The following MICAL3 variants were observed in gnomAD, a reference collection of about 807,000 sequenced individuals.
MICAL3 encodes microtubule associated monooxygenase, calponin and LIM domain containing 3.
In MICAL3, 62 loss-of-function variants were observed where a neutral mutation model predicts 207.4. The observed-to-expected ratio is 0.30, with a 90% CI of 0.24 to 0.37. MICAL3 has a LOEUF of 0.37. Ranked by LOEUF, MICAL3 falls within the 10% of genes least tolerant of loss-of-function variation. MICAL3 has a pLI of 1.00. For synonymous variants in MICAL3, 1,077 were observed against 1,069.3 expected (o/e 1.01, Z -0.14); for missense variants, 2,368 against 2,635.6 (o/e 0.90, Z 2.22).
At chr22:17,993,050 C>A (rs568472907) in intron 1 of MICAL3, among the ~76,000 whole-genome samples, 4 of 152,276 alleles carry the variant, frequency 2.6e-5, no homozygotes, top group African/African-American at 9.6e-5. Flanking sequence ...GTTTTTCCTA[C>A]CCATGCAAGG....
chr22:17,888,855 C>T (rs749223589), intron 13 of MICAL3, among the ~76,000 whole-genome samples, 179 bp downstream of exon 13: 9 of 152,190 alleles, frequency 5.9e-5, no homozygotes, highest in Non-Finnish European at 1.0e-4. Context: ...GAACACACTA[C>T]TAGAGAAGGG....
At chr22:17,864,622 T>A in intron 19 of MICAL3, 1 of 1,558,406 alleles carries the variant, frequency 6.4e-7, no homozygotes, top group East Asian at 2.3e-5. Flanking sequence ...GGGACAGCAC[T>A]TCACGGCTCT....
At chr22:17,828,407 G>T (rs1334010676) in intron 21 of MICAL3, among the ~76,000 whole-genome samples, 1 of 152,250 alleles carries the variant, frequency 6.6e-6, no homozygotes, top group Non-Finnish European at 1.5e-5. Flanking sequence ...CTGCTGGAGA[G>T]AAAAAGTCCC....
chr22:17,792,570 C>A (rs1359826724), intron 29 of MICAL3, among the ~76,000 whole-genome samples: 2 of 152,236 alleles, frequency 1.3e-5, no homozygotes, highest in Non-Finnish European at 2.9e-5. Context: ...CCTTTCTCCA[C>A]CTGCCTTTCT....
chr22:17,887,432 G>C lies in MICAL3; in HGVS notation c.1895C>G (p.Thr632Ser). The C allele has an allele frequency of 6.2e-7, 1 of 1,610,590 alleles. No homozygotes were observed. The highest frequency in any genetic ancestry group is 8.5e-7 in the Non-Finnish European group (1 of 1,177,410). Residue 632 changes from threonine (T) to serine (S), a missense_variant, in exon 14 of 32, where the codon ACC (threonine) becomes AGC (serine). Around this residue, in one of 4 missense-constraint regions of MICAL3, gnomAD observed 1,770 missense variants for 1,863.2 expected, o/e 0.95. Coordinates refer to ENST00000441493, the MANE Select transcript of MICAL3 (RefSeq NM_015241.3). ...TTTCTCCTCGGCATTTAGGTCCAAG[G>C]TGTCTGGGAATAGAAACCAGTGATG... ...MFKDSLPSSD[T>S]LDLNAEEKAV...
chr22:17,919,926 T>C (rs1434672978), intron 1 of MICAL3, among the ~76,000 whole-genome samples: 1 of 152,242 alleles, frequency 6.6e-6, no homozygotes, highest in Non-Finnish European at 1.5e-5. Flanking sequence ...GCAAATGCTA[T>C]GCAACAGCCC....
intron 23 of MICAL3, among the ~76,000 whole-genome samples, chr22:17,822,399 G>GT (rs1418103877): frequency 5.3e-5 from 8 of 152,224 alleles, no homozygotes; most frequent in Non-Finnish European, 1.0e-4. Context: ...ATCAAAGCCT[G>GT]TGGGGCTCTG....
intron 16 of MICAL3, among the ~76,000 whole-genome samples, chr22:17,880,021 C>T (rs1478171677): frequency 6.6e-6 from 1 of 152,176 alleles, no homozygotes; most frequent in African/African-American, 2.4e-5. Context: ...AATCACAGGA[C>T]CAGGGAAGGC....
rs956462838 is a variant in MICAL3, at chr22:17,789,839, G to A, written c.*893C>T. The stretch of plus-strand genomic sequence containing the variant: ...TAAAAAATAAGTTAATTGACAAAAA[G>A]GGTTTGAAGCGGCTGAGCGTCTTGC... On this transcript the variant is annotated 3_prime_UTR_variant, in exon 32 of 32. Coordinates refer to ENST00000441493, the MANE Select transcript of MICAL3 (RefSeq NM_015241.3). 6.6e-6 allele frequency: 1 copy of A among 152,224 alleles called. No homozygotes were observed. Among genetic ancestry groups the A allele is most frequent in the Non-Finnish European group, 1.5e-5 (1 of 68,040 alleles). The allele number at this position is 152,224 out of a possible 1,614,324, so 9.4% of individuals were successfully genotyped here.
Position 17,819,729 on chromosome 22 carries a change from G to GGAGATC in MICAL3, c.3532-606_3532-601dup, listed in dbSNP as rs530536957. Among the ~76,000 whole-genome samples the GGAGATC allele has an allele frequency of 1.8e-3, 275 of 152,010 alleles. 4 individuals are homozygous for GGAGATC. The East Asian group carries it at 0.042, about 23-fold the overall frequency. On this transcript the variant is annotated intron_variant, in intron 25 of 31. Coordinates refer to ENST00000441493, the MANE Select transcript of MICAL3 (RefSeq NM_015241.3). The stretch of plus-strand genomic sequence containing the variant: ...ACGAAGTGGGCAGATCACGAGGTCA[G>GGAGATC]GAGATCGAGACCATCCTGGCTAACA...
intron 16 of MICAL3, among the ~76,000 whole-genome samples, chr22:17,877,045 T>TGGAGGTTATGGAGGTTAG (rs1928634482): frequency 1.4e-5 from 1 of 69,504 alleles, no homozygotes; most frequent in African/African-American, 5.0e-5. Flanking sequence ...AGGGAGGTTA[T>TGGAGGTTATGGAGGTTAG]GGAGGTTAGG....
Position 17,865,948 on chromosome 22 carries a change from C to A in MICAL3, c.2493G>T (p.Pro831=). ...CCTTTCCAGACAGGGGAGCCACTGC[C>A]GGTCTCTTCCTTTGTGCGTAGCCAG... ...RLSGYAQRKR[P]AVAPLSGKEA... The change falls in exon 18 of 32, where the codon CCG becomes CCT. Residue 831 remains proline (P), a synonymous_variant. Coordinates refer to ENST00000441493, the MANE Select transcript of MICAL3 (RefSeq NM_015241.3). 2 of 1,613,874 alleles carry A rather than the reference C, an allele frequency of 1.2e-6. No homozygotes were observed. The highest frequency in any genetic ancestry group is 1.3e-5 in the African/African-American group (1 of 75,060).
At chr22:17,984,105 C>T (rs1029901483) in intron 1 of MICAL3, among the ~76,000 whole-genome samples, 15 of 152,166 alleles carry the variant, frequency 9.9e-5, no homozygotes, top group African/African-American at 3.6e-4. Flanking sequence ...GTTCAACAAT[C>T]AACAGCTCTT....
At chr22:17,876,937 G>C (rs201704173) in intron 16 of MICAL3, 2 of 17,782 alleles carry the variant, frequency 1.1e-4, no homozygotes, top group African/African-American at 5.0e-4. Context: ...AGGGAGGTTA[G>C]GGAGGTTATG....
intron 19 of MICAL3, chr22:17,863,642 G>GCC (rs1280327307): frequency 1.0e-6 from 1 of 985,376 alleles, no homozygotes; most frequent in Admixed American, 6.1e-5. Flanking sequence ...TGCAGTAGCA[G>GCC]AAGCTGCGTT....
chr22:17,884,326 G>A (rs774017043), intron 16 of MICAL3: 5 of 1,596,368 alleles, frequency 3.1e-6, no homozygotes, highest in South Asian at 2.3e-5. Flanking sequence ...GCAGGCAGCA[G>A]GACGGCTGGC....
chr22:17,822,115 G>GCA lies in MICAL3; in HGVS notation c.3361_3362dup (p.Pro1122AlafsTer11). On this transcript the variant is annotated frameshift_variant, in exon 24 of 32. Coordinates refer to ENST00000441493, the MANE Select transcript of MICAL3 (RefSeq NM_015241.3). LOFTEE classifies it high-confidence loss of function. ...CCAGCTCTGCTTCCCCCTCAGCTGG[G>GCA]CACGGCAAACGCAGCTCTCTGTCAG... 1 of 1,613,834 alleles carries GCA rather than the reference G, an allele frequency of 6.2e-7. No homozygotes were observed. Among genetic ancestry groups the GCA allele is most frequent in the Non-Finnish European group, 8.5e-7 (1 of 1,179,886 alleles).
At chr22:17,979,504 C>T (rs766781397) in intron 1 of MICAL3, among the ~76,000 whole-genome samples, 3 of 152,184 alleles carry the variant, frequency 2.0e-5, no homozygotes, top group Non-Finnish European at 4.4e-5. Context: ...AAGATCGAGC[C>T]ACTGTACTCC....
intron 1 of MICAL3, among the ~76,000 whole-genome samples, chr22:17,969,857 C>T (rs1252327444): frequency 6.6e-6 from 1 of 152,214 alleles, no homozygotes; most frequent in Non-Finnish European, 1.5e-5. Context: ...TCAGCTCTCC[C>T]TGTGTGCTGG....
Sources: gnomAD v4.1 joint callset for allele counts (sites outside exome capture counted in the v4.1 genomes callset) on GRCh38, gnomAD v4.1.1 for gene constraint, gnomAD v4.1.1 regional missense constraint, MANE v1.5 for transcripts, NCBI Gene and HGNC (gene_info 2026-07-23, HGNC 2026-07-21) for gene names.